Variants in DNHD1 observed in about 807,000 individuals in gnomAD.
DNHD1 encodes the protein dynein heavy chain domain-containing protein 1.
In DNHD1, 383 loss-of-function variants were observed where a neutral mutation model predicts 458.1. The observed-to-expected ratio is 0.84, with a 90% CI of 0.77 to 0.91. The LOEUF (loss-of-function observed/expected upper bound fraction) is 0.91, where lower values mean the gene tolerates loss of function less well. Ranked by LOEUF, DNHD1 falls within the 40% of genes least tolerant of loss-of-function variation. The probability of loss-of-function intolerance (pLI) is 0.00; values close to 1 mark genes in which losing one functional copy is unlikely to be tolerated. For synonymous variants in DNHD1, 2,203 were observed against 2,376.9 expected, an observed-to-expected ratio of 0.93 and a Z score of 2.13; for missense variants, 5,336 against 5,866.1, an observed-to-expected ratio of 0.91 and a Z score of 2.95.
chr11:6,571,672 G>C lies in DNHD1; in HGVS notation c.13948G>C (p.Gly4650Arg). 6.2e-7 allele frequency: 1 copy of C among 1,606,940 alleles called. No homozygotes were observed. Among genetic ancestry groups the C allele is most frequent in the South Asian group, 1.1e-5 (1 of 89,900 alleles). Residue 4650 changes from glycine to arginine, a missense_variant, in exon 43 of 43, where the codon GGG (glycine) becomes CGG (arginine). Around this residue, in one of 4 missense-constraint regions of DNHD1, gnomAD observed 698 missense variants for 664.9 expected, o/e 1.05. Coordinates refer to ENST00000254579, the MANE Select transcript of DNHD1 (RefSeq NM_144666.3). The surrounding 1 kb of genome is among the most constrained non-coding windows in gnomAD (Gnocchi z 5.0). The part of the protein sequence containing the change: ...NGPNPTVPER[G>R]LLLIGLQVLH... Reference sequence around the variant, plus strand: ...TCCAAATCCCACGGTTCCAGAGAGAGGGCTGCTGCTGATCGGGCTACAGGT... The same window carrying C: ...TCCAAATCCCACGGTTCCAGAGAGACGGCTGCTGCTGATCGGGCTACAGGT...
rs1460527629 is a variant in DNHD1 at position 6,564,115 on chromosome 11, A to T, written c.10275A>T (p.Thr3425=). 5 of 1,548,494 alleles carry T rather than the reference A, an allele frequency of 3.2e-6. No individual in the cohort carries two copies. Among genetic ancestry groups the T allele is most frequent in the Non-Finnish European group, 2.6e-6 (3 of 1,144,750 alleles). ...ALLTPMRAWT[T]QLQKLKGRCM... is the part of the protein sequence containing the mutation. ...TCACGCCTATGCGTGCCTGGACTACACAGCTCCAGGTAACCATCCCCCTCC... is the reference window on the plus strand; with the variant it reads ...TCACGCCTATGCGTGCCTGGACTACTCAGCTCCAGGTAACCATCCCCCTCC... Residue 3425 remains threonine (T), a synonymous_variant, in exon 31 of 43, where the codon ACA becomes ACT. Coordinates refer to ENST00000254579, the MANE Select transcript of DNHD1 (RefSeq NM_144666.3).
intron 10 of DNHD1, among the ~76,000 whole-genome samples, chr11:6,525,235 A>T (rs1440100640): frequency 6.6e-6 from 1 of 152,144 alleles, no homozygotes; most frequent in Non-Finnish European, 1.5e-5. Flanking sequence ...TTTTCCGGAA[A>T]CTCCCCATCA....
chr11:6,546,721 C>T lies in DNHD1; in HGVS notation c.5782C>T (p.Leu1928Phe), dbSNP rs762820462. 1.9e-6 allele frequency: 3 copies of T among 1,551,764 alleles called. No individual in the cohort carries two copies. The highest frequency in any genetic ancestry group is 1.7e-6 in the Non-Finnish European group (2 of 1,146,986). The change falls in exon 21 of 43, where the codon CTC becomes TTC. Residue 1928 changes from leucine (L) to phenylalanine (F), a missense_variant. By Grantham distance (22) the Leu-to-Phe change is conservative (BLOSUM62 0). Transcript: ENST00000254579. The part of the protein sequence containing the change: ...SILNGLHLHN[L>F]RGLLCALFPS... ...TCTCAATGGGCTCCACCTGCACAACCTCCGAGGGCTGTTGTGTGCGCTTTT... is the reference window on the plus strand; with the variant it reads ...TCTCAATGGGCTCCACCTGCACAACTTCCGAGGGCTGTTGTGTGCGCTTTT...
At chr11:6,512,321 C>A (rs1045850548) in intron 7 of DNHD1, among the ~76,000 whole-genome samples, 1 of 145,948 alleles carries the variant, frequency 6.9e-6, no homozygotes, top group Non-Finnish European at 1.5e-5. Flanking sequence ...TCCGGGTTCA[C>A]GCCATTCTCC....
Position 6,548,230 on chromosome 11 carries a change from C to T in DNHD1, c.6926C>T (p.Thr2309Ile), listed in dbSNP as rs972212500. ...AGCAGGTTCTGGCCCATCTTTGATA[C>T]CTTCATAAGGGATTCTATTAGTCGC... ...LPSRFWPIFD[T>I]FIRDSISRLS... The change falls in exon 23 of 43, where the codon ACC becomes ATC. Residue 2309 changes from threonine (T) to isoleucine (I), a missense_variant. Transcript: ENST00000254579. The surrounding 1 kb of genome is among the most constrained non-coding windows in gnomAD (Gnocchi z 4.4). 3 of 1,551,536 alleles carry T rather than the reference C, an allele frequency of 1.9e-6. No individual in the cohort carries two copies. The African/African-American group carries it at 4.1e-5, about 21-fold the overall frequency.
intron 28 of DNHD1, among the ~76,000 whole-genome samples, 200 bp from the exon 29 acceptor site, chr11:6,562,782 G>A (rs1201062706): frequency 6.6e-6 from 1 of 152,106 alleles, no homozygotes; most frequent in African/African-American, 2.4e-5. Context: ...ACACACTTGG[G>A]GCTGCGTTAC....
chr11:6,565,729 T>C lies in DNHD1; in HGVS notation c.10791T>C (p.Ser3597=). 2 of 1,549,366 alleles carry C rather than the reference T, an allele frequency of 1.3e-6. No homozygotes were observed. Among genetic ancestry groups the C allele is most frequent in the South Asian group, 2.4e-5 (2 of 83,816 alleles). Residue 3597 remains serine (S), a synonymous_variant, in exon 33 of 43, where the codon AGT becomes AGC. Coordinates refer to ENST00000254579, the MANE Select transcript of DNHD1 (RefSeq NM_144666.3). ...TCATGAGAAATCAAAAGAGAGAGAG[T>C]AAAACGGACATGAAAGAGGAAGATG... is the stretch of plus-strand genomic sequence containing the variant. ...KGLMRNQKRE[S]KTDMKEEDDE... is the part of the protein sequence containing the mutation.
chr11:6,564,761 G>A lies in DNHD1; in HGVS notation c.10713G>A (p.Leu3571=), dbSNP rs775023868. 61 of 1,542,436 alleles carry A rather than the reference G, an allele frequency of 4.0e-5. 1 individual carries two copies. In the South Asian group the frequency reaches 6.8e-4, roughly 17 times the overall value. Residue 3571 remains leucine, a synonymous_variant, in exon 32 of 43, where the codon CTG becomes CTA. Coordinates refer to ENST00000254579, the MANE Select transcript of DNHD1 (RefSeq NM_144666.3). ...TCATCTGGTTGGACCCGCTGCCTCTGGAAGAGAATCGATCTTTTGCGCCAG... is the reference window on the plus strand; with the variant it reads ...TCATCTGGTTGGACCCGCTGCCTCTAGAAGAGAATCGATCTTTTGCGCCAG... ...EALIWLDPLP[L]EENRSFAPAL... is the part of the protein sequence containing the mutation.
chr11:6,544,882 A>C lies in DNHD1; in HGVS notation c.3943A>C (p.Ser1315Arg). 6.4e-7 allele frequency: 1 copy of C among 1,551,676 alleles called. No homozygotes were observed. Among genetic ancestry groups the C allele is most frequent in the South Asian group, 1.2e-5 (1 of 84,062 alleles). ...CATGGTTCTGTCACTTGTAGTGCCC[A>C]GTGCCGAGAGGAGCCCTTACTTCCA... The part of the protein sequence containing the change: ...DPMVLSLVVP[S>R]AERSPYFQGQ... The change falls in exon 21 of 43, where the codon AGT (serine) becomes CGT (arginine). Residue 1315 changes from serine (S) to arginine (R), a missense_variant. Ser to Arg is a moderately radical substitution (Grantham distance 110, BLOSUM62 -1). Around this residue, in one of 4 missense-constraint regions of DNHD1, gnomAD observed 3,932 missense variants for 4,365.6 expected, o/e 0.90. Transcript: ENST00000254579.
chr11:6,498,153 T>C lies in DNHD1; in HGVS notation c.-63T>C. 2 of 1,561,078 alleles carry C rather than the reference T, an allele frequency of 1.3e-6. No homozygotes were observed. Among genetic ancestry groups the C allele is most frequent in the Non-Finnish European group, 1.7e-6 (2 of 1,151,692 alleles). On this transcript the variant is annotated 5_prime_UTR_variant, in exon 3 of 43. Coordinates refer to ENST00000254579, the MANE Select transcript of DNHD1 (RefSeq NM_144666.3). ...GGCCCCGCATCTGGCATCCTGGAAC[T>C]GGCAGTTGGAGCCTGAGCTATGGGC...
In DNHD1 at chr11:6,567,738, A is replaced by T. The variant is rs745819954; in HGVS notation, c.12229A>T (p.Met4077Leu). 9 of 1,613,880 alleles carry T rather than the reference A, an allele frequency of 5.6e-6. No homozygotes were observed. The South Asian group carries it at 9.9e-5, about 18-fold the overall frequency. ...PLDENTYAPTMPFKHSQATQP... is the reference protein window; with the variant it reads ...PLDENTYAPTLPFKHSQATQP... Reference sequence around the variant, plus strand: ...GGATGAAAACACGTATGCTCCCACCATGCCCTTTAAACATAGTCAGGCTAC... The same window carrying T: ...GGATGAAAACACGTATGCTCCCACCTTGCCCTTTAAACATAGTCAGGCTAC... The change falls in exon 36 of 43, where the codon ATG becomes TTG. Residue 4077 changes from methionine to leucine, a missense_variant. This residue lies in a region of DNHD1 where 695 missense variants were observed against 804.2 expected (regional missense o/e 0.86). Coordinates refer to ENST00000254579, the MANE Select transcript of DNHD1 (RefSeq NM_144666.3).
At position 6,568,701 on chromosome 11, in the gene DNHD1, ACCAGTC is replaced by A; in HGVS notation, c.12701_12706del (p.Gln4234_Ser4235del). On this transcript the variant is annotated inframe_deletion, in exon 39 of 43. Transcript: ENST00000254579. Reference sequence around the variant, plus strand: ...CAGCACTCCATGCCTGTTTTCTGGAACCAGTCCCTGGAGCTGGGCCATGTTTTGATT... The same window carrying A: ...CAGCACTCCATGCCTGTTTTCTGGAACCTGGAGCTGGGCCATGTTTTGATT... 1 of 1,613,872 alleles carries A rather than the reference ACCAGTC, an allele frequency of 6.2e-7. No homozygotes were observed. Among genetic ancestry groups the A allele is most frequent in the East Asian group, 2.2e-5 (1 of 44,864 alleles).
At position 6,556,759 on chromosome 11, in the gene DNHD1, C is replaced by G. The variant is rs1389405938; in HGVS notation, c.7464C>G (p.Thr2488=). The G allele has an allele frequency of 1.9e-6, 3 of 1,551,634 alleles. No homozygotes were observed. The highest frequency in any genetic ancestry group is 3.9e-5 in the Admixed American group (2 of 51,012). Residue 2488 remains threonine (T), a synonymous_variant, in exon 25 of 43, where the codon ACC becomes ACG. Transcript: ENST00000254579. ...ATGGCACTGTGTATGCCCACAGCAC[C>G]TTGGAACTGCAGACGCTGCAGCCTA... ...AMDGTVYAHS[T]LELQTLQPTV... is the part of the protein sequence containing the mutation.
chr11:6,509,689 A>G (rs1852298936), intron 6 of DNHD1, among the ~76,000 whole-genome samples: 1 of 152,088 alleles, frequency 6.6e-6, no homozygotes. Context: ...TCTTTCCAAG[A>G]TATTACTTGG....
At chr11:6,517,248 TA>T (rs1439471096) in intron 7 of DNHD1, among the ~76,000 whole-genome samples, 1 of 152,226 alleles carries the variant, frequency 6.6e-6, no homozygotes, top group Non-Finnish European at 1.5e-5. Context: ...TCAAATTAAT[TA>T]ACACATCCAT....
intron 7 of DNHD1, among the ~76,000 whole-genome samples, chr11:6,512,704 CT>C (rs1852370669): frequency 6.6e-6 from 1 of 152,100 alleles, no homozygotes; most frequent in African/African-American, 2.4e-5. Flanking sequence ...CTTTTTCTGT[CT>C]TCCTTCTCAC....
rs756000284 is a variant in DNHD1 at position 6,568,590 on chromosome 11, C to A, written c.12661+14C>A. The A allele has an allele frequency of 5.0e-6, 8 of 1,613,810 alleles. No homozygotes were observed. The highest frequency in any genetic ancestry group is 6.8e-6 in the Non-Finnish European group (8 of 1,179,904). On this transcript the variant is annotated intron_variant, in intron 38 of 42. Coordinates refer to ENST00000254579, the MANE Select transcript of DNHD1 (RefSeq NM_144666.3). ...CTTCTTTGCCAGGTGAGGAGCTTAACCCCCTACAGGCTCTCAAATTGGAAG... is the reference window on the plus strand; with the variant it reads ...CTTCTTTGCCAGGTGAGGAGCTTAAACCCCTACAGGCTCTCAAATTGGAAG...
At chr11:6,540,874 T>G (rs571626957) in intron 18 of DNHD1, among the ~76,000 whole-genome samples, 2 of 152,386 alleles carry the variant, frequency 1.3e-5, no homozygotes, top group East Asian at 3.8e-4. Flanking sequence ...ATACATAGTT[T>G]AAGATTTTTA....
intron 3 of DNHD1, among the ~76,000 whole-genome samples, chr11:6,501,982 G>C (rs377608704): frequency 5.6e-4 from 86 of 152,326 alleles, no homozygotes; most frequent in African/African-American, 2.0e-3. Flanking sequence ...GTTGATCTAA[G>C]TTTGGGTCAG....
Sources: gnomAD v4.1 joint callset for allele counts (sites outside exome capture counted in the v4.1 genomes callset) on GRCh38, gnomAD v4.1.1 for gene constraint, gnomAD v4.1.1 regional missense constraint, Gnocchi (gnomAD v3.1) non-coding constraint, MANE v1.5 for transcripts, NCBI Gene and HGNC (gene_info 2026-07-23, HGNC 2026-07-21) for gene names.